Variants in PRKG1 observed in about 807,000 individuals in gnomAD.
PRKG1 encodes the protein cGMP-dependent protein kinase 1.
In PRKG1, 35 loss-of-function variants were observed where a neutral mutation model predicts 88.1. That is an observed-to-expected ratio of 0.40 (90% confidence interval 0.30 to 0.53). The LOEUF (loss-of-function observed/expected upper bound fraction) is 0.53. Ranked by LOEUF, PRKG1 falls within the 20% of genes least tolerant of loss-of-function variation. The pLI is 0.59. For missense variants in PRKG1, 540 were observed against 839.8 expected (o/e 0.64, Z 4.41); for synonymous variants, 303 against 292.5 (o/e 1.04, Z -0.37).
chr10:51,423,303 T>A (rs1412826952), intron 2 of PRKG1, among the ~76,000 whole-genome samples: 2 of 152,224 alleles, frequency 1.3e-5, no homozygotes, highest in Non-Finnish European at 2.9e-5. Flanking sequence ...ACATTGAGAA[T>A]ATAAATTCCA....
At chr10:52,142,502 C>A (rs1404929460) in intron 8 of PRKG1, among the ~76,000 whole-genome samples, 2 of 152,090 alleles carry the variant, frequency 1.3e-5, no homozygotes, top group Admixed American at 6.6e-5. Flanking sequence ...TGAATTAAAT[C>A]TTAATCTAAT....
intron 2 of PRKG1, among the ~76,000 whole-genome samples, chr10:51,281,168 A>T (rs964489258): frequency 1.4e-4 from 22 of 152,206 alleles, no homozygotes; most frequent in Admixed American, 8.5e-4. Context: ...CAGAGGCTGC[A>T]GAACAGCGGA....
intron 1 of PRKG1, among the ~76,000 whole-genome samples, chr10:51,022,557 G>A (rs1054800132): frequency 1.3e-5 from 2 of 152,160 alleles, no homozygotes; most frequent in Non-Finnish European, 2.9e-5. Flanking sequence ...TGGGAAAGGA[G>A]TGCCTGGCAG....
intron 3 of PRKG1, among the ~76,000 whole-genome samples, chr10:51,679,735 T>TTA (rs1392066834): frequency 3.4e-5 from 5 of 146,500 alleles, no homozygotes; most frequent in Non-Finnish European, 7.6e-5. Context: ...TTTTTTTTTT[T>TTA]ATTATACTCT....
intron 5 of PRKG1, among the ~76,000 whole-genome samples, chr10:51,961,372 C>T (rs887729178): frequency 2.7e-5 from 4 of 145,782 alleles, no homozygotes; most frequent in African/African-American, 1.0e-4. Context: ...TGTGGAGGGC[C>T]CACTGTATTT....
chr10:52,279,881 C>T (rs1316638319), intron 12 of PRKG1, among the ~76,000 whole-genome samples: 2 of 150,586 alleles, frequency 1.3e-5, no homozygotes, highest in African/African-American at 4.9e-5. Flanking sequence ...AAAAAAAGTA[C>T]ATGGTTTATC....
At chr10:51,197,115 C>A (rs1837788844) in intron 2 of PRKG1, among the ~76,000 whole-genome samples, 1 of 151,878 alleles carries the variant, frequency 6.6e-6, no homozygotes, top group African/African-American at 2.4e-5. Context: ...GTGACTTACC[C>A]ATTTATAAAA....
At chr10:51,555,140 T>G (rs1341122679) in intron 3 of PRKG1, among the ~76,000 whole-genome samples, 2 of 151,936 alleles carry the variant, frequency 1.3e-5, no homozygotes, top group Non-Finnish European at 2.9e-5. Context: ...ACAAGGGGGT[T>G]GTCACGTTTT....
rs73338070 is a variant in PRKG1, at chr10:51,494,088, T to A, written c.592+26252T>A. On this transcript the variant is annotated intron_variant, in intron 3 of 17. Coordinates refer to ENST00000373980, the MANE Select transcript of PRKG1 (RefSeq NM_006258.4). ...TGTTATTCTCTTTTTAGAGTTGGGG[T>A]CTTGCTCTGTCTCCCAGGTTGGAGT... Among the ~76,000 whole-genome samples the A allele has an allele frequency of 9.9e-3, 1,501 of 152,222 alleles. 32 individuals are homozygous for A. The highest frequency in any genetic ancestry group is 0.035 in the African/African-American group (1,442 of 41,522).
rs187142073 is a variant in PRKG1, at chr10:51,807,940, C to T, written c.698+3250C>T. 7.2e-5 allele frequency among the ~76,000 whole-genome samples: 11 copies of T among 152,112 alleles called. No homozygotes were observed. In the South Asian group the frequency reaches 1.7e-3, roughly 23 times the overall value. ...GGTCAGAAAGAAAGGTGTTCTGAGGCCTTCCCTTCAGGGTGTGTTTTTCTG... is the reference window on the plus strand; with the variant it reads ...GGTCAGAAAGAAAGGTGTTCTGAGGTCTTCCCTTCAGGGTGTGTTTTTCTG... On this transcript the variant is annotated intron_variant, in intron 4 of 17. Coordinates refer to ENST00000373980, the MANE Select transcript of PRKG1 (RefSeq NM_006258.4).
At chr10:51,767,101 G>C (rs1838184292) in intron 3 of PRKG1, among the ~76,000 whole-genome samples, 1 of 152,064 alleles carries the variant, frequency 6.6e-6, no homozygotes, top group African/African-American at 2.4e-5. Flanking sequence ...TCCTTTAAAT[G>C]GTTCTCACTA....
chr10:51,850,624 T>C (rs547797103), intron 4 of PRKG1, among the ~76,000 whole-genome samples: 185 of 152,202 alleles, frequency 1.2e-3, no homozygotes, highest in Non-Finnish European at 2.2e-3. Flanking sequence ...CTCCTTAATA[T>C]GTAAAGAGTT....
At chr10:51,252,518 T>C (rs1839452811) in intron 2 of PRKG1, among the ~76,000 whole-genome samples, 1 of 151,732 alleles carries the variant, frequency 6.6e-6, no homozygotes, top group Non-Finnish European at 1.5e-5. Flanking sequence ...ATTGCACTGA[T>C]GGTAATGCAA....
chr10:51,780,567 A>G (rs1335941433), intron 3 of PRKG1, among the ~76,000 whole-genome samples: 1 of 152,188 alleles, frequency 6.6e-6, no homozygotes, highest in East Asian at 1.9e-4. Flanking sequence ...ATAACTTGTA[A>G]TTCTTATTTA....
chr10:51,755,935 C>T (rs1407523297), intron 3 of PRKG1, among the ~76,000 whole-genome samples: 1 of 152,192 alleles, frequency 6.6e-6, no homozygotes, highest in Non-Finnish European at 1.5e-5. Context: ...CTTCTTTCAA[C>T]AGCTGTCTGA....
intron 9 of PRKG1, 60 bp downstream of exon 9, chr10:52,162,023 A>G: frequency 2.0e-6 from 3 of 1,471,704 alleles, no homozygotes; most frequent in Non-Finnish European, 2.8e-6. Context: ...AATAAGATCA[A>G]ATATTTTGTT....
intron 3 of PRKG1, among the ~76,000 whole-genome samples, chr10:51,540,136 C>G (rs1842264032): frequency 6.6e-6 from 1 of 152,062 alleles, no homozygotes; most frequent in African/African-American, 2.4e-5. Flanking sequence ...GCTGAGATAC[C>G]ATGGTACATA....
intron 1 of PRKG1, among the ~76,000 whole-genome samples, chr10:51,010,309 A>T (rs377506862): frequency 5.1e-4 from 78 of 152,354 alleles, no homozygotes; most frequent in African/African-American, 1.8e-3. Context: ...ACAGGGCAAG[A>T]TGCTGTGAGG....
At chr10:51,332,373 A>G (rs558532507) in intron 2 of PRKG1, among the ~76,000 whole-genome samples, 3 of 152,212 alleles carry the variant, frequency 2.0e-5, no homozygotes, top group South Asian at 2.1e-4. Context: ...CCGGACCTCA[A>G]TTGTGACCAA....
Sources: gnomAD v4.1 joint callset for allele counts (sites outside exome capture counted in the v4.1 genomes callset) on GRCh38, gnomAD v4.1.1 for gene constraint, MANE v1.5 for transcripts, NCBI Gene and HGNC (gene_info 2026-07-23, HGNC 2026-07-21) for gene names.